Variants in RIMS1 observed in about 807,000 individuals in gnomAD.
RIMS1 encodes regulating synaptic membrane exocytosis 1.
A neutral mutation model predicts 214.1 loss-of-function variants in RIMS1; 83 were observed. The ratio of observed to expected loss-of-function variants is 0.39; its 90% CI spans 0.32 to 0.47. RIMS1 has a LOEUF of 0.47. Among genes scored for constraint, RIMS1 ranks in the 20% least tolerant of loss-of-function variants. The pLI is 0.99. For missense variants in RIMS1, 2,050 were observed against 2,161.8 expected, an observed-to-expected ratio of 0.95 and a Z score of 1.03; for synonymous variants, 793 against 786.8, an observed-to-expected ratio of 1.01 and a Z score of -0.13.
At position 71,978,230 on chromosome 6, in the gene RIMS1, C is replaced by T. The variant is rs546069853; in HGVS notation, c.245+9167C>T. Among the ~76,000 whole-genome samples, 321 of 152,270 alleles carry T rather than the reference C, an allele frequency of 2.1e-3. 1 individual carries two copies. Among genetic ancestry groups the T allele is most frequent in the South Asian group, 0.015 (72 of 4,828 alleles). On this transcript the variant is annotated intron_variant, in intron 2 of 33. Coordinates refer to ENST00000521978, the MANE Select transcript of RIMS1 (RefSeq NM_014989.7). ...ACATATTTTCTCATGAAATCCTAAG[C>T]ATCCTACTATGGATGCAATTGTATC...
At chr6:71,960,356 A>G (rs1792569037) in intron 1 of RIMS1, among the ~76,000 whole-genome samples, 1 of 152,176 alleles carries the variant, frequency 6.6e-6, no homozygotes, top group Admixed American at 6.6e-5. Flanking sequence ...ATTTTTTACT[A>G]GTAGAAATGG....
chr6:72,354,280 G>A (rs1023944752), intron 29 of RIMS1, among the ~76,000 whole-genome samples: 1 of 152,118 alleles, frequency 6.6e-6, no homozygotes, highest in Non-Finnish European at 1.5e-5. Context: ...TACATATTCT[G>A]TCTTCTTAGC....
chr6:71,907,917 A>G (rs1228176725), intron 1 of RIMS1, among the ~76,000 whole-genome samples: 1 of 152,238 alleles, frequency 6.6e-6, no homozygotes, highest in Non-Finnish European at 1.5e-5. Context: ...GAAATGACTT[A>G]AAAAGGATTT....
intron 2 of RIMS1, among the ~76,000 whole-genome samples, chr6:72,013,892 T>G (rs1584927710): frequency 6.6e-6 from 1 of 152,188 alleles, no homozygotes; most frequent in East Asian, 1.9e-4. Flanking sequence ...CCCATGTATT[T>G]TACACCTAAT....
At chr6:72,224,400 A>C (rs1267777691) in intron 6 of RIMS1, among the ~76,000 whole-genome samples, 1 of 152,200 alleles carries the variant, frequency 6.6e-6, no homozygotes, top group Non-Finnish European at 1.5e-5. Context: ...CCATGCAGCT[A>C]GTTATTGTGA....
chr6:71,943,044 C>T lies in RIMS1; in HGVS notation c.165-25939C>T, dbSNP rs73545387. 7.9e-3 allele frequency among the ~76,000 whole-genome samples: 1,200 copies of T among 152,000 alleles called. 20 individuals carry two copies. Among genetic ancestry groups the T allele is most frequent in the African/African-American group, 0.028 (1,149 of 41,474 alleles). ...CTTGTATTTTAAAGAGTCAAGATAC[C>T]GTCCAGTTTATTTGAATATGTTCTC... On this transcript the variant is annotated intron_variant, in intron 1 of 33. Transcript: ENST00000521978.
chr6:72,064,922 G>T (rs1230600320), intron 2 of RIMS1, among the ~76,000 whole-genome samples: 2 of 152,140 alleles, frequency 1.3e-5, no homozygotes, highest in African/African-American at 2.4e-5. Context: ...GCATGCGTTT[G>T]CTGTAACAGG....
intron 29 of RIMS1, among the ~76,000 whole-genome samples, chr6:72,376,682 G>C (rs1339332781): frequency 6.6e-6 from 1 of 151,796 alleles, no homozygotes; most frequent in African/African-American, 2.4e-5. Context: ...AGGAGGCAGA[G>C]GTTGCAGTGA....
chr6:72,062,905 C>T (rs977537533), intron 2 of RIMS1, among the ~76,000 whole-genome samples: 1 of 152,086 alleles, frequency 6.6e-6, no homozygotes, highest in African/African-American at 2.4e-5. Flanking sequence ...CAAATTTCCC[C>T]TTTTCATAAG....
chr6:72,204,464 T>C (rs182598565), intron 6 of RIMS1, among the ~76,000 whole-genome samples: 2 of 152,336 alleles, frequency 1.3e-5, no homozygotes, highest in East Asian at 3.9e-4. Flanking sequence ...GATTAGCATT[T>C]ATTTCCTGTA....
chr6:72,245,661 A>T (rs1157512013), intron 10 of RIMS1, among the ~76,000 whole-genome samples, 154 bp from the exon 11 acceptor site: 1 of 152,074 alleles, frequency 6.6e-6, no homozygotes, highest in African/African-American at 2.4e-5. Flanking sequence ...TTTGACATTC[A>T]TGCACATTAG....
intron 27 of RIMS1, among the ~76,000 whole-genome samples, chr6:72,309,826 T>A (rs1228512913): frequency 6.6e-6 from 1 of 152,040 alleles, no homozygotes; most frequent in South Asian, 2.1e-4. Context: ...TTTTCTTATA[T>A]GTCAAGTAGA....
At chr6:72,129,447 G>C (rs1417478211) in intron 4 of RIMS1, among the ~76,000 whole-genome samples, 1 of 152,006 alleles carries the variant, frequency 6.6e-6, no homozygotes, top group East Asian at 1.9e-4. Flanking sequence ...AAAAATCACA[G>C]CTTCCCTAGA....
At chr6:71,984,773 A>ATATCTATC (rs70994108) in intron 2 of RIMS1, among the ~76,000 whole-genome samples, 364 of 146,734 alleles carry the variant, frequency 2.5e-3, no homozygotes, top group South Asian at 6.8e-3. Flanking sequence ...ATGTATGTAC[A>ATATCTATC]TATCTATCTA....
At chr6:72,132,439 A>G (rs1399560785) in intron 4 of RIMS1, among the ~76,000 whole-genome samples, 1 of 152,194 alleles carries the variant, frequency 6.6e-6, no homozygotes, top group Non-Finnish European at 1.5e-5. Flanking sequence ...TGAAAATATC[A>G]CCAGTTGTTG....
At chr6:72,303,750 A>G (rs1322981420) in intron 26 of RIMS1, among the ~76,000 whole-genome samples, 1 of 151,574 alleles carries the variant, frequency 6.6e-6, no homozygotes, top group Non-Finnish European at 1.5e-5. Flanking sequence ...ATCTTGTTCA[A>G]TAAATACATT....
rs1206961577 is a variant in RIMS1, at chr6:72,274,437, T to C, written c.3482+5T>C. 1.2e-6 allele frequency: 2 copies of C among 1,608,374 alleles called. No homozygotes were observed. Among genetic ancestry groups the C allele is most frequent in the African/African-American group, 1.3e-5 (1 of 74,814 alleles). ...TGCGTCTCCGGAGAATGACAGGTAC[T>C]AGTCAACTCCTCCTCACAGACAAGT... is the stretch of plus-strand genomic sequence containing the variant. On this transcript the variant is annotated splice_donor_5th_base_variant and intron_variant, in intron 23 of 33. Coordinates refer to ENST00000521978, the MANE Select transcript of RIMS1 (RefSeq NM_014989.7).
At chr6:71,914,733 G>T (rs2150655592) in intron 1 of RIMS1, among the ~76,000 whole-genome samples, 1 of 152,266 alleles carries the variant, frequency 6.6e-6, no homozygotes, top group African/African-American at 2.4e-5. Flanking sequence ...AGATCTATCT[G>T]AGGCACCATA....
At position 72,242,421 on chromosome 6, in the gene RIMS1, G is replaced by A. The variant is rs1347951177; in HGVS notation, c.2065G>A (p.Val689Ile). 6.4e-7 allele frequency: 1 copy of A among 1,558,834 alleles called. No individual in the cohort carries two copies. Among genetic ancestry groups the A allele is most frequent in the East Asian group, 2.3e-5 (1 of 42,782 alleles). ...ATCAGAACCTCAAGTTGAAATTATT[G>A]TTTCAAGGCCTATTGGGTAAGGCTA... ...SKSEPQVEIIVSRPIGDIPRI... is the reference protein window; with the variant it reads ...SKSEPQVEIIISRPIGDIPRI... The change falls in exon 10 of 34, where the codon GTT (valine) becomes ATT (isoleucine). Residue 689 changes from valine to isoleucine, a missense_variant. By Grantham distance (29) the Val-to-Ile change is conservative (BLOSUM62 3). Around this residue, in one of 6 missense-constraint regions of RIMS1, gnomAD observed 111 missense variants for 166.2 expected, o/e 0.67. Coordinates refer to ENST00000521978, the MANE Select transcript of RIMS1 (RefSeq NM_014989.7).
Sources: gnomAD v4.1 joint callset for allele counts (sites outside exome capture counted in the v4.1 genomes callset) on GRCh38, gnomAD v4.1.1 for gene constraint, gnomAD v4.1.1 regional missense constraint, MANE v1.5 for transcripts, NCBI Gene and HGNC (gene_info 2026-07-23, HGNC 2026-07-21) for gene names.